The following PPP2R2C variants were observed in gnomAD, a reference collection of about 807,000 sequenced individuals.
PPP2R2C encodes the protein protein phosphatase 2 regulatory subunit Bgamma.
PPP2R2C carries 10 observed loss-of-function variants against 45.3 expected under a neutral mutation model. That is an observed-to-expected ratio of 0.22 (90% CI 0.14 to 0.37). The LOEUF is 0.37. PPP2R2C is among the 10% of genes least tolerant of loss of function. The pLI is 1.00. For missense variants in PPP2R2C, 308 were observed against 619.7 expected, an observed-to-expected ratio of 0.50 and a Z score of 5.34; for synonymous variants, 257 against 245.4, an observed-to-expected ratio of 1.05 and a Z score of -0.44.
intron 1 of PPP2R2C, among the ~76,000 whole-genome samples, chr4:6,410,317 G>A (rs1400937535): frequency 6.6e-6 from 1 of 152,164 alleles, no homozygotes; most frequent in Non-Finnish European, 1.5e-5. Context: ...GATTTAATTA[G>A]CCCTCTGTTC....
intron 2 of PPP2R2C, among the ~76,000 whole-genome samples, chr4:6,496,525 C>G (rs1435690808): frequency 6.6e-6 from 1 of 152,120 alleles, no homozygotes; most frequent in African/African-American, 2.4e-5. Flanking sequence ...GGTGTGAGTC[C>G]ATTTGGAATC....
rs1732469131 is a variant in PPP2R2C, at chr4:6,332,291, A to G, written c.960+1271T>C. 6.6e-6 allele frequency among the ~76,000 whole-genome samples: 1 copy of G among 152,078 alleles called. No individual in the cohort carries two copies. Among genetic ancestry groups the G allele is most frequent in the Non-Finnish European group, 1.5e-5 (1 of 67,998 alleles). On this transcript the variant is annotated intron_variant, in intron 7 of 8. Transcript: ENST00000382599. The surrounding 1 kb of genome is among the most constrained non-coding windows in gnomAD (Gnocchi z 4.9). Reference sequence around the variant, plus strand: ...GCCGGGCTTATCCTGTCCCTCTCCTAGTCTGGGGTCTCTGCCATTCCCACA... The same window carrying G: ...GCCGGGCTTATCCTGTCCCTCTCCTGGTCTGGGGTCTCTGCCATTCCCACA...
rs1291357154 is a variant in PPP2R2C at position 6,331,238 on chromosome 4, G to A, written c.961-1885C>T. On this transcript the variant is annotated intron_variant, in intron 7 of 8. Coordinates refer to ENST00000382599, the MANE Select transcript of PPP2R2C (RefSeq NM_020416.4). This position sits in a 1 kb window ranked among gnomAD's most constrained non-coding sequence, Gnocchi z 5.9. The stretch of plus-strand genomic sequence containing the variant: ...AGCATCTCCTGCCCTCTAGTGGCAG[G>A]GTGAGGAAGAGCTCTGGAGAAAGAC... Among the ~76,000 whole-genome samples, 3 of 152,188 alleles carry A rather than the reference G, an allele frequency of 2.0e-5. No homozygotes were observed. The highest frequency in any genetic ancestry group is 1.9e-4 in the East Asian group (1 of 5,192).
At chr4:6,491,082 G>T (rs1158469769) in intron 2 of PPP2R2C, among the ~76,000 whole-genome samples, 2 of 152,174 alleles carry the variant, frequency 1.3e-5, no homozygotes, top group Non-Finnish European at 2.9e-5. Flanking sequence ...GTCACTCACA[G>T]ATCTGTTTTA....
chr4:6,323,436 T>C lies in PPP2R2C; in HGVS notation c.1210A>G (p.Ile404Val), dbSNP rs1467691614. The C allele has an allele frequency of 6.2e-7, 1 of 1,613,622 alleles. No homozygotes were observed. The highest frequency in any genetic ancestry group is 1.3e-5 in the African/African-American group (1 of 74,946). ...GTGAAGTCCAAGCTGTCCACACTGATGTCATCACGCCGGCGCTTGCCCCCC... is the reference window on the plus strand; with the variant it reads ...GTGAAGTCCAAGCTGTCCACACTGACGTCATCACGCCGGCGCTTGCCCCCC... ...CVGGKRRRDD[I>V]SVDSLDFTKK... Residue 404 changes from isoleucine (I) to valine (V), a missense_variant, in exon 9 of 9, where the codon ATC becomes GTC. Ile to Val is a conservative substitution (Grantham distance 29). Transcript: ENST00000382599.
upstream of PPP2R2C, among the ~76,000 whole-genome samples, chr4:6,477,062 G>A (rs1413226273): frequency 1.3e-5 from 2 of 152,196 alleles, no homozygotes; most frequent in South Asian, 2.1e-4. Flanking sequence ...AAGACCAGCC[G>A]AGGCAACATG....
chr4:6,412,807 C>A (rs962417790), intron 1 of PPP2R2C, among the ~76,000 whole-genome samples: 3 of 152,006 alleles, frequency 2.0e-5, no homozygotes, highest in African/African-American at 4.8e-5. Context: ...GGGTGGAGCC[C>A]CCATGAATGG....
chr4:6,324,135 T>G lies in PPP2R2C; in HGVS notation c.1053-542A>C, dbSNP rs1227715688. ...TTTTTATCCTCTGCCCCAATCATCA[T>G]GAAAATACCCTCCTGGCCAGGCGTG... On this transcript the variant is annotated intron_variant, in intron 8 of 8. Transcript: ENST00000382599. This position sits in a 1 kb window ranked among gnomAD's most constrained non-coding sequence, Gnocchi z 4.1. 6.6e-6 allele frequency among the ~76,000 whole-genome samples: 1 copy of G among 151,944 alleles called. No homozygotes were observed. The highest frequency in any genetic ancestry group is 1.5e-5 in the Non-Finnish European group (1 of 67,974).
intron 2 of PPP2R2C, among the ~76,000 whole-genome samples, chr4:6,495,038 A>C (rs1461302701): frequency 6.6e-6 from 1 of 152,136 alleles, no homozygotes; most frequent in Non-Finnish European, 1.5e-5. Flanking sequence ...GGAGGCCAAC[A>C]AGCTGGTGGG....
At chr4:6,350,678 G>T (rs905629153) in intron 5 of PPP2R2C, 1 of 985,186 alleles carries the variant, frequency 1.0e-6, no homozygotes, top group Admixed American at 6.1e-5. Context: ...CCCAAGGGGA[G>T]ACCTCTCCTT....
upstream of PPP2R2C, among the ~76,000 whole-genome samples, chr4:6,476,275 C>G (rs1360208716): frequency 6.6e-6 from 1 of 152,228 alleles, no homozygotes; most frequent in African/African-American, 2.4e-5. Context: ...TCACTCCCCT[C>G]TCTCTCCACT....
At chr4:6,492,536 G>A (rs968529904) in intron 2 of PPP2R2C, among the ~76,000 whole-genome samples, 4 of 152,198 alleles carry the variant, frequency 2.6e-5, no homozygotes, top group African/African-American at 7.2e-5. Flanking sequence ...GTGGCCCCAC[G>A]CCAACCCCCC....
At chr4:6,369,963 T>C (rs1714666381) in intron 5 of PPP2R2C, among the ~76,000 whole-genome samples, 1 of 152,176 alleles carries the variant, frequency 6.6e-6, no homozygotes, top group Admixed American at 6.5e-5. Context: ...TGAAGCAGCA[T>C]CCCTTCCATA....
rs529507204 is a variant in PPP2R2C, at chr4:6,360,179, G to A, written c.626-12169C>T. Among the ~76,000 whole-genome samples, 389 of 152,358 alleles carry A rather than the reference G, an allele frequency of 2.6e-3. 1 individual carries two copies. Among genetic ancestry groups the A allele is most frequent in the Non-Finnish European group, 4.8e-3 (326 of 68,030 alleles). On this transcript the variant is annotated intron_variant, in intron 5 of 8. Transcript: ENST00000382599. The stretch of plus-strand genomic sequence containing the variant: ...CAGGAGGAGAGGGAGGCCCAGGGTG[G>A]GCAGTGATTTGCCCAGGGCCACATG...
At chr4:6,341,144 C>G (rs1292365854) in intron 6 of PPP2R2C, among the ~76,000 whole-genome samples, 2 of 152,214 alleles carry the variant, frequency 1.3e-5, no homozygotes, top group African/African-American at 2.4e-5. Context: ...GAGTTTGAGA[C>G]CAGCCTGGCC....
At chr4:6,418,607 T>C (rs927081297) in intron 1 of PPP2R2C, among the ~76,000 whole-genome samples, 1 of 151,994 alleles carries the variant, frequency 6.6e-6, no homozygotes, top group African/African-American at 2.4e-5. Context: ...ACCCCCCACA[T>C]AGGCTGAGCT....
At chr4:6,539,896 C>G (rs1391445007) in intron 1 of PPP2R2C, among the ~76,000 whole-genome samples, 1 of 152,118 alleles carries the variant, frequency 6.6e-6, no homozygotes, top group African/African-American at 2.4e-5. Flanking sequence ...GGTCTGGGTC[C>G]TAACCACCAC....
At chr4:6,369,413 T>G in intron 5 of PPP2R2C, among the ~76,000 whole-genome samples, 1 of 152,266 alleles carries the variant, frequency 6.6e-6, no homozygotes, top group Non-Finnish European at 1.5e-5. Context: ...ATACTTTAAC[T>G]TATCATGGTG....
intron 1 of PPP2R2C, among the ~76,000 whole-genome samples, chr4:6,389,422 G>A (rs1026297785): frequency 6.6e-6 from 1 of 152,222 alleles, no homozygotes; most frequent in South Asian, 2.1e-4. Flanking sequence ...TGATGAGGTT[G>A]TTGCATTTAA....
Sources: gnomAD v4.1 joint callset for allele counts (sites outside exome capture counted in the v4.1 genomes callset) on GRCh38, gnomAD v4.1.1 for gene constraint, Gnocchi (gnomAD v3.1) non-coding constraint, MANE v1.5 for transcripts, NCBI Gene and HGNC (gene_info 2026-07-23, HGNC 2026-07-21) for gene names.